Variants in PLXNC1 observed in about 807,000 individuals in gnomAD.
PLXNC1 encodes the protein plexin C1, also known as plexin-C1.
Under a neutral mutation model 178.2 loss-of-function variants are expected in PLXNC1, and 75 were observed. The observed-to-expected ratio is 0.42, with a 90% CI of 0.35 to 0.51. The LOEUF (loss-of-function observed/expected upper bound fraction) is 0.51, where lower values mean the gene tolerates loss of function less well. Ranked by LOEUF, PLXNC1 falls within the 20% of genes least tolerant of loss-of-function variation. PLXNC1 has a pLI of 0.02. For missense variants in PLXNC1, 1,503 were observed against 1,984.4 expected (o/e 0.76, Z 4.61); for synonymous variants, 790 against 779.9 (o/e 1.01, Z -0.22).
intron 3 of PLXNC1, 93 bp from the exon 4 acceptor site, chr12:94,186,280 T>C (rs1962504870): frequency 2.4e-6 from 2 of 839,214 alleles, no homozygotes; most frequent in East Asian, 2.5e-5. Flanking sequence ...AGTTGATAAA[T>C]AGGCTCTTTT....
At chr12:94,247,177 G>C (rs1380187492) in intron 12 of PLXNC1, among the ~76,000 whole-genome samples, 1 of 152,004 alleles carries the variant, frequency 6.6e-6, no homozygotes, top group South Asian at 2.1e-4. Flanking sequence ...TTCCCACAGC[G>C]CTGGGATTAC....
At chr12:94,188,247 C>T (rs1427228309) in intron 4 of PLXNC1, among the ~76,000 whole-genome samples, 2 of 151,180 alleles carry the variant, frequency 1.3e-5, no homozygotes, top group African/African-American at 4.9e-5. Flanking sequence ...AGAAGCTTTA[C>T]TGAGAAAGGC....
At chr12:94,198,338 C>T (rs1292534172) in intron 4 of PLXNC1, among the ~76,000 whole-genome samples, 1 of 152,072 alleles carries the variant, frequency 6.6e-6, no homozygotes. Context: ...ACAATGAGAA[C>T]ACATGGACAC....
chr12:94,280,088 C>T (rs956563322), intron 22 of PLXNC1: 5 of 330,762 alleles, frequency 1.5e-5, no homozygotes, highest in Non-Finnish European at 2.4e-5. Flanking sequence ...TAACTCTAGC[C>T]TGCTAGAAAG....
chr12:94,155,693 C>G (rs1048213329), intron 1 of PLXNC1, among the ~76,000 whole-genome samples: 6 of 152,206 alleles, frequency 3.9e-5, no homozygotes, highest in Non-Finnish European at 8.8e-5. Flanking sequence ...TTAATTAGCT[C>G]CTTCACTCTT....
intron 7 of PLXNC1, 151 bp downstream of exon 7, chr12:94,224,466 C>T (rs1256343001): frequency 4.7e-6 from 3 of 640,366 alleles, no homozygotes; most frequent in African/African-American, 1.8e-5. Flanking sequence ...GGAGAGCCAC[C>T]GAGCTAATAA....
chr12:94,224,330 G>T lies in PLXNC1; in HGVS notation c.1790+15G>T. On this transcript the variant is annotated intron_variant, in intron 7 of 30. Transcript: ENST00000258526. Reference sequence around the variant, plus strand: ...TCATTAAAAGAGTAAGATTTTATTTGAAATTTGAATATTCTCTCGTTGATC... The same window carrying T: ...TCATTAAAAGAGTAAGATTTTATTTTAAATTTGAATATTCTCTCGTTGATC... 7.8e-7 allele frequency: 1 copy of T among 1,276,970 alleles called. No individual in the cohort carries two copies. The highest frequency in any genetic ancestry group is 1.2e-5 in the South Asian group (1 of 84,084). The allele number at this position is 1,276,970 out of a possible 1,614,324, so 79.1% of individuals were successfully genotyped here.
chr12:94,247,680 C>T (rs572581369), intron 12 of PLXNC1, among the ~76,000 whole-genome samples: 24 of 152,178 alleles, frequency 1.6e-4, no homozygotes, highest in Admixed American at 5.2e-4. Flanking sequence ...TACTGTGTGC[C>T]GGGCCCTGAT....
Position 94,149,679 on chromosome 12 carries a change from C to T in PLXNC1, c.708C>T (p.Asp236=), listed in dbSNP as rs1187630777. 1 of 1,610,392 alleles carries T rather than the reference C, an allele frequency of 6.2e-7. No individual in the cohort carries two copies. Among genetic ancestry groups the T allele is most frequent in the Non-Finnish European group, 8.5e-7 (1 of 1,178,526 alleles). ...CEGAGSLHFV[D]AFLWNGSIYF... ...GCGCGGGCAGCCTGCACTTCGTGGA[C>T]GCCTTTCTCTGGAACGGCAGCATCT... Residue 236 remains aspartate (D), a synonymous_variant, in exon 1 of 31, where the codon GAC becomes GAT. Coordinates refer to ENST00000258526, the MANE Select transcript of PLXNC1 (RefSeq NM_005761.3).
At chr12:94,275,037 G>A (rs369603368) in intron 21 of PLXNC1, among the ~76,000 whole-genome samples, 1 of 152,330 alleles carries the variant, frequency 6.6e-6, no homozygotes, top group African/African-American at 2.4e-5. Context: ...GCTCAGCGAA[G>A]TTAGACGACT....
chr12:94,291,198 T>C (rs938581538), intron 23 of PLXNC1, among the ~76,000 whole-genome samples: 2 of 152,242 alleles, frequency 1.3e-5, no homozygotes, highest in Non-Finnish European at 2.9e-5. Context: ...CTTTGTCAAA[T>C]GTATACATTT....
chr12:94,285,540 C>G (rs1337978437), intron 23 of PLXNC1, among the ~76,000 whole-genome samples: 7 of 152,156 alleles, frequency 4.6e-5, no homozygotes, highest in African/African-American at 1.7e-4. Flanking sequence ...ATCATCTTGC[C>G]AAGAGCAGTC....
chr12:94,302,255 C>T (rs563710711), intron 28 of PLXNC1, among the ~76,000 whole-genome samples: 70 of 152,320 alleles, frequency 4.6e-4, no homozygotes, highest in Admixed American at 1.3e-3. Flanking sequence ...CACTGTGCTA[C>T]AGCTTTTACT....
intron 1 of PLXNC1, among the ~76,000 whole-genome samples, chr12:94,165,179 G>A (rs1376790154): frequency 6.6e-6 from 1 of 152,180 alleles, no homozygotes; most frequent in Non-Finnish European, 1.5e-5. Context: ...AAGAGAGAAA[G>A]AATAATCTCT....
At chr12:94,264,792 T>G (rs1965142972) in intron 20 of PLXNC1, among the ~76,000 whole-genome samples, 1 of 152,228 alleles carries the variant, frequency 6.6e-6, no homozygotes, top group South Asian at 2.1e-4. Flanking sequence ...GTCTGCCATA[T>G]GTAAGTTTAA....
intron 23 of PLXNC1, among the ~76,000 whole-genome samples, chr12:94,294,280 C>T (rs527499959): frequency 6.6e-6 from 1 of 152,254 alleles, no homozygotes; most frequent in Admixed American, 6.5e-5. Flanking sequence ...TCCACAGGAC[C>T]ATGAGCCCCT....
chr12:94,175,155 A>T (rs949555574), intron 2 of PLXNC1, among the ~76,000 whole-genome samples: 1 of 152,154 alleles, frequency 6.6e-6, no homozygotes, highest in Non-Finnish European at 1.5e-5. Context: ...GTATGCAGGC[A>T]TGCACGTGCA....
intron 20 of PLXNC1, among the ~76,000 whole-genome samples, chr12:94,263,417 C>T (rs928769885): frequency 5.3e-5 from 8 of 152,110 alleles, no homozygotes; most frequent in Non-Finnish European, 8.8e-5. Context: ...AGCTACTCTC[C>T]AGAAAGTTCT....
chr12:94,154,538 G>C (rs1008608987), intron 1 of PLXNC1, among the ~76,000 whole-genome samples: 1 of 152,132 alleles, frequency 6.6e-6, no homozygotes, highest in African/African-American at 2.4e-5. Flanking sequence ...AAGCACGAAG[G>C]GTTAAATAAT....
Sources: allele counts gnomAD v4.1 joint callset (sites outside exome capture counted in the v4.1 genomes callset), GRCh38; gene constraint gnomAD v4.1.1; transcripts MANE v1.5; gene names NCBI Gene and HGNC (gene_info 2026-07-23, HGNC 2026-07-21).